The following CNRIP1 variants were observed in gnomAD, a reference collection of about 807,000 sequenced individuals.
CNRIP1 encodes the protein cannabinoid receptor interacting protein 1, also known as CB1 cannabinoid receptor-interacting protein 1.
In CNRIP1, 10 loss-of-function variants were observed where a neutral mutation model predicts 15.2. The observed-to-expected ratio is 0.66, with a 90% CI of 0.41 to 1.12. The LOEUF is 1.12. Among genes scored for constraint, CNRIP1 ranks in the 50% most tolerant of loss-of-function variants. The pLI is 0.00. For synonymous variants in CNRIP1, 91 were observed against 83.2 expected (o/e 1.09, Z -0.51); for missense variants, 211 against 214.7 (o/e 0.98, Z 0.11).
chr2:68,307,210 A>T (rs1005179093), intron 2 of CNRIP1, among the ~76,000 whole-genome samples: 1 of 152,242 alleles, frequency 6.6e-6, no homozygotes, highest in East Asian at 1.9e-4. Context: ...AACTATTGTT[A>T]CAATTTTGTC....
rs1671216800 is a variant in CNRIP1, at chr2:68,293,029, T to A, written c.*833A>T. The A allele has an allele frequency of 1.0e-6, 1 of 985,448 alleles. No individual in the cohort carries two copies. Among genetic ancestry groups the A allele is most frequent in the Non-Finnish European group, 1.2e-6 (1 of 829,920 alleles). 61.0% of individuals were successfully genotyped at this position (985,448 alleles called of 1,614,324 possible). A position where few individuals can be genotyped will look rare whatever the true frequency, so the allele number is the denominator to read the frequency against. Reference sequence around the variant, plus strand: ...AGGGCATGATTTTCAACGCCTTTATTAAGAAATATCAAAAGTTGATTACAG... The same window carrying A: ...AGGGCATGATTTTCAACGCCTTTATAAAGAAATATCAAAAGTTGATTACAG... On this transcript the variant is annotated 3_prime_UTR_variant, in exon 3 of 3. Coordinates refer to ENST00000263655, the MANE Select transcript of CNRIP1 (RefSeq NM_015463.3).
intron 2 of CNRIP1, among the ~76,000 whole-genome samples, chr2:68,295,182 G>T (rs995233046): frequency 5.3e-5 from 8 of 152,178 alleles, no homozygotes; most frequent in Non-Finnish European, 8.8e-5. Context: ...CGTGGACAGA[G>T]GAAGGCAGTG....
chr2:68,319,465 G>A lies in CNRIP1; in HGVS notation c.-65C>T. The A allele has an allele frequency of 7.0e-7, 1 of 1,422,116 alleles. No homozygotes were observed. Among genetic ancestry groups the A allele is most frequent in the Non-Finnish European group, 9.2e-7 (1 of 1,085,210 alleles). 88.1% of individuals were successfully genotyped at this position (1,422,116 alleles called of 1,614,324 possible). On this transcript the variant is annotated 5_prime_UTR_variant, in exon 1 of 3. Transcript: ENST00000263655. The stretch of plus-strand genomic sequence containing the variant: ...AGGACAGCGCCGGCTGCGGCCGAGT[G>A]GCTGGAGCGCGAGGGGCGGAGAGGA...
At chr2:68,295,640 C>T (rs1475020090) in intron 2 of CNRIP1, among the ~76,000 whole-genome samples, 2 of 152,130 alleles carry the variant, frequency 1.3e-5, no homozygotes, top group East Asian at 3.9e-4. Flanking sequence ...ATAATCTAGG[C>T]CCCCAAAGTA....
At position 68,304,317 on chromosome 2, in the gene CNRIP1, G is replaced by A. The variant is rs138257729; in HGVS notation, c.331-10291C>T. Among the ~76,000 whole-genome samples, 655 of 151,552 alleles carry A rather than the reference G, an allele frequency of 4.3e-3. 3 individuals carry two copies. The highest frequency in any genetic ancestry group is 0.015 in the African/African-American group (609 of 41,270). On this transcript the variant is annotated intron_variant, in intron 2 of 2. Coordinates refer to ENST00000263655, the MANE Select transcript of CNRIP1 (RefSeq NM_015463.3). ...TCAGGAGGCTGAGGCAGGGAGAATTGCTTGAACCTAGGAGGTGGAGTTTGC... is the reference window on the plus strand; with the variant it reads ...TCAGGAGGCTGAGGCAGGGAGAATTACTTGAACCTAGGAGGTGGAGTTTGC...
At chr2:68,315,485 G>T (rs1351350184) in intron 2 of CNRIP1, among the ~76,000 whole-genome samples, 1 of 152,076 alleles carries the variant, frequency 6.6e-6, no homozygotes, top group Non-Finnish European at 1.5e-5. Flanking sequence ...TCAGTGATTT[G>T]TAATGTGGTT....
At position 68,297,523 on chromosome 2, in the gene CNRIP1, T is replaced by A. The variant is rs375699603; in HGVS notation, c.331-3497A>T. Among the ~76,000 whole-genome samples, 151 of 142,758 alleles carry A rather than the reference T, an allele frequency of 1.1e-3. 2 individuals carry two copies. The South Asian group carries it at 0.032, about 30-fold the overall frequency. The allele number at this position is 142,758 out of a possible 152,430, so 93.7% of individuals were successfully genotyped here. A position where few individuals can be genotyped will look rare whatever the true frequency, so the allele number is the denominator to read the frequency against. ...GCAGAGGTTGCAGTGAGCTGAGATC[T>A]TGCCACTGCATTTTAGCCTGGGCAA... On this transcript the variant is annotated intron_variant, in intron 2 of 2. Transcript: ENST00000263655.
chr2:68,284,262 A>C (rs57776453), exon 3 of CNRIP1: 1 of 465,714 alleles, frequency 2.1e-6, no homozygotes, highest in Non-Finnish European at 3.8e-6. Context: ...AGTTTGCTCA[A>C]TTTAAGAGGT....
At chr2:68,284,301 T>C in exon 3 of CNRIP1, 3 of 567,790 alleles carry the variant, frequency 5.3e-6, no homozygotes, top group Non-Finnish European at 8.8e-6. Context: ...GGAATCTACA[T>C]TTTAACAAGC....
At chr2:68,295,835 T>C (rs1671335629) in intron 2 of CNRIP1, among the ~76,000 whole-genome samples, 1 of 152,226 alleles carries the variant, frequency 6.6e-6, no homozygotes, top group Non-Finnish European at 1.5e-5. Flanking sequence ...TGTACATATA[T>C]GTTGGTCAAA....
At chr2:68,308,198 A>T (rs1671931002) in intron 2 of CNRIP1, among the ~76,000 whole-genome samples, 1 of 151,938 alleles carries the variant, frequency 6.6e-6, no homozygotes, top group African/African-American at 2.4e-5. Flanking sequence ...GTCTCTTATT[A>T]AAAAAACAAA....
downstream of CNRIP1, among the ~76,000 whole-genome samples, chr2:68,291,583 G>GA (rs34991157): frequency 4.1e-5 from 6 of 146,382 alleles, no homozygotes; most frequent in East Asian, 2.0e-4. Context: ...AGTTAAAAAA[G>GA]AAAAAAAAAA....
intron 1 of CNRIP1, 80 bp from the exon 2 acceptor site, chr2:68,317,387 AG>A: frequency 6.7e-7 from 1 of 1,500,064 alleles, no homozygotes; most frequent in African/African-American, 1.4e-5. Context: ...AACTCTAGGC[AG>A]GAAACTTACA....
downstream of CNRIP1, among the ~76,000 whole-genome samples, chr2:68,289,004 A>G (rs1671097872): frequency 6.6e-6 from 1 of 152,258 alleles, no homozygotes; most frequent in South Asian, 2.1e-4. Context: ...GTAGCTTCTT[A>G]TAAAATGAGC....
intron 2 of CNRIP1, 145 bp downstream of exon 2, chr2:68,317,012 G>C: frequency 1.0e-6 from 1 of 980,482 alleles, no homozygotes; most frequent in Non-Finnish European, 1.7e-6. Flanking sequence ...CTCTCCAGCA[G>C]ATGCTTGAAG....
At chr2:68,318,113 C>T (rs1055133523) in intron 1 of CNRIP1, among the ~76,000 whole-genome samples, 3 of 151,466 alleles carry the variant, frequency 2.0e-5, no homozygotes, top group African/African-American at 7.3e-5. Flanking sequence ...GTGCACAGAA[C>T]ACTGGGAAAT....
chr2:68,303,102 C>T (rs1183392828), intron 2 of CNRIP1, among the ~76,000 whole-genome samples: 6 of 151,760 alleles, frequency 4.0e-5, no homozygotes, highest in Non-Finnish European at 4.4e-5. Context: ...CCGCCTTGGC[C>T]CCCAAAGTGC....
chr2:68,314,226 T>G (rs552267505), intron 2 of CNRIP1, among the ~76,000 whole-genome samples: 1 of 151,024 alleles, frequency 6.6e-6, no homozygotes, highest in African/African-American at 2.5e-5. Context: ...TCTATTTTGT[T>G]CACCACTCTT....
At chr2:68,303,108 A>C (rs573311900) in intron 2 of CNRIP1, among the ~76,000 whole-genome samples, 42 of 152,150 alleles carry the variant, frequency 2.8e-4, no homozygotes, top group Non-Finnish European at 5.3e-4. Context: ...TGGCCCCCAA[A>C]GTGCTGGGAT....
Sources: allele counts gnomAD v4.1 joint callset (sites outside exome capture counted in the v4.1 genomes callset), GRCh38; gene constraint gnomAD v4.1.1; transcripts MANE v1.5; gene names NCBI Gene and HGNC (gene_info 2026-07-23, HGNC 2026-07-21).